The following RABEP1 variants were observed in gnomAD, a reference collection of about 807,000 sequenced individuals.
RABEP1 encodes rab GTPase-binding effector protein 1.
RABEP1 carries 51 observed loss-of-function variants against 123.4 expected under a neutral mutation model. The ratio of observed to expected loss-of-function variants is 0.41; its 90% confidence interval spans 0.33 to 0.52. The LOEUF is 0.52. RABEP1 is among the 20% of genes least tolerant of loss of function. The probability of loss-of-function intolerance (pLI) is 0.16; values close to 1 mark genes in which losing one functional copy is unlikely to be tolerated. For synonymous variants in RABEP1, 347 were observed against 355.2 expected (o/e 0.98, Z 0.26); for missense variants, 888 against 996.3 (o/e 0.89, Z 1.46).
chr17:5,310,179 A>C (rs1271079847), intron 2 of RABEP1, among the ~76,000 whole-genome samples: 1 of 152,196 alleles, frequency 6.6e-6, no homozygotes, highest in South Asian at 2.1e-4. Flanking sequence ...ACTCTGTAAA[A>C]TATATACTTA....
chr17:5,325,776 G>C (rs1479819725), intron 2 of RABEP1, among the ~76,000 whole-genome samples: 1 of 151,312 alleles, frequency 6.6e-6, no homozygotes, highest in African/African-American at 2.4e-5. Context: ...CACCCAGTTT[G>C]ATTTTTACAA....
chr17:5,367,541 T>C (rs565436891), intron 11 of RABEP1, among the ~76,000 whole-genome samples: 1 of 151,832 alleles, frequency 6.6e-6, no homozygotes, highest in Non-Finnish European at 1.5e-5. Flanking sequence ...AGTGCTAGGA[T>C]TACAGGCGTG....
chr17:5,337,240 T>G (rs1907181336), intron 4 of RABEP1, among the ~76,000 whole-genome samples: 1 of 152,226 alleles, frequency 6.6e-6, no homozygotes, highest in South Asian at 2.1e-4. Flanking sequence ...GTACTCTGTT[T>G]AATTGGATGG....
intron 2 of RABEP1, among the ~76,000 whole-genome samples, chr17:5,329,659 A>G (rs1906329941): frequency 6.6e-6 from 1 of 152,186 alleles, no homozygotes; most frequent in African/African-American, 2.4e-5. Flanking sequence ...CATATACAGC[A>G]GTAAAAGCAA....
intron 2 of RABEP1, among the ~76,000 whole-genome samples, chr17:5,320,795 C>T (rs956270305): frequency 2.6e-5 from 4 of 152,038 alleles, no homozygotes; most frequent in East Asian, 1.9e-4. Context: ...AAATAAAAAG[C>T]AATGAATTAA....
At position 5,383,168 on chromosome 17, in the gene RABEP1, G is replaced by A. The variant is rs372729268; in HGVS notation, c.2534G>A (p.Arg845Gln). 1.1e-5 allele frequency: 17 copies of A among 1,614,114 alleles called. No individual in the cohort carries two copies. The highest frequency in any genetic ancestry group is 2.7e-5 in the African/African-American group (2 of 75,046). Residue 845 changes from arginine (R) to glutamine (Q), a missense_variant, in exon 18 of 18, where the codon CGG becomes CAG. Coordinates refer to ENST00000537505, the MANE Select transcript of RABEP1 (RefSeq NM_004703.6). ...CAAGCTGACTCCTTGGAGAGAATCC[G>A]GGCAATTCTGAATGATACTAAACTG... ...IRQADSLERIRAILNDTKLTD... is the reference protein window; with the variant it reads ...IRQADSLERIQAILNDTKLTD...
rs1318604740 is a variant in RABEP1, at chr17:5,385,851, C to G, written c.*2628C>G. On this transcript the variant is annotated 3_prime_UTR_variant, in exon 18 of 18. Transcript: ENST00000537505. ...TCCTTTGAATCCTAGGGTTCTATCCCTCTTCAGAGTCATGTTTCTGGTGCT... is the reference window on the plus strand; with the variant it reads ...TCCTTTGAATCCTAGGGTTCTATCCGTCTTCAGAGTCATGTTTCTGGTGCT... 3.7e-6 allele frequency: 1 copy of G among 268,976 alleles called. No homozygotes were observed. The highest frequency in any genetic ancestry group is 5.2e-5 in the Admixed American group (1 of 19,074). 16.7% of individuals were successfully genotyped at this position (268,976 alleles called of 1,614,324 possible). A position where few individuals can be genotyped will look rare whatever the true frequency, so the allele number is the denominator to read the frequency against.
At chr17:5,326,207 T>C (rs1302108066) in intron 2 of RABEP1, among the ~76,000 whole-genome samples, 1 of 152,242 alleles carries the variant, frequency 6.6e-6, no homozygotes, top group African/African-American at 2.4e-5. Context: ...TTATAACAGC[T>C]TTATTCATAA....
chr17:5,310,068 C>G (rs997505299), intron 2 of RABEP1, among the ~76,000 whole-genome samples: 2 of 152,162 alleles, frequency 1.3e-5, no homozygotes, highest in African/African-American at 4.8e-5. Context: ...ATTTGCATTT[C>G]TAATAAGCTC....
rs1342051408 is a variant in RABEP1 at position 5,385,373 on chromosome 17, TTCTCATGCATG to T, written c.*2154_*2164del. ...CTTATATTCAGTCTGTGCCTACATG[TTCTCATGCATG>T]TCTAACCTGATTTACCTCTTACCTG... On this transcript the variant is annotated 3_prime_UTR_variant, in exon 18 of 18. Coordinates refer to ENST00000537505, the MANE Select transcript of RABEP1 (RefSeq NM_004703.6). The T allele has an allele frequency of 4.3e-6, 1 of 230,542 alleles. No homozygotes were observed. Among genetic ancestry groups the T allele is most frequent in the Non-Finnish European group, 8.6e-6 (1 of 116,422 alleles). The allele number at this position is 230,542 out of a possible 1,614,324, so 14.3% of individuals were successfully genotyped here. A position where few individuals can be genotyped will look rare whatever the true frequency, so the allele number is the denominator to read the frequency against.
At chr17:5,380,012 C>T (rs541613838) in intron 15 of RABEP1, among the ~76,000 whole-genome samples, 3 of 152,330 alleles carry the variant, frequency 2.0e-5, no homozygotes. Context: ...CTCCCCTTGT[C>T]ACCCTTGTCT....
chr17:5,327,070 G>A (rs933458993), intron 2 of RABEP1, among the ~76,000 whole-genome samples: 1 of 152,148 alleles, frequency 6.6e-6, no homozygotes, highest in Non-Finnish European at 1.5e-5. Context: ...TAAACAGGCT[G>A]GGCACGGTGG....
chr17:5,320,445 GAAAAAGAA>G (rs2075343869), intron 2 of RABEP1, among the ~76,000 whole-genome samples: 1 of 85,042 alleles, frequency 1.2e-5, no homozygotes, highest in African/African-American at 4.6e-5. Flanking sequence ...AAAAAAAAAA[GAAAAAGAA>G]ACACACTGGT....
rs1910701754 is a variant in RABEP1 at position 5,373,523 on chromosome 17, T to C, written c.2025+69T>C. ...TTCTGAAATGGCCGTATGTTCTTTA[T>C]GTAAACAGTTTTATTCAGATATAAT... On this transcript the variant is annotated intron_variant, in intron 13 of 17. Transcript: ENST00000537505. 6.1e-6 allele frequency: 9 copies of C among 1,472,442 alleles called. No homozygotes were observed. The Admixed American group carries it at 1.2e-4, about 20-fold the overall frequency. 91.2% of individuals were successfully genotyped at this position (1,472,442 alleles called of 1,614,324 possible).
chr17:5,290,212 C>T (rs928710305), intron 1 of RABEP1, among the ~76,000 whole-genome samples: 2 of 152,166 alleles, frequency 1.3e-5, no homozygotes, highest in Admixed American at 6.6e-5. Flanking sequence ...CTCAGCCTCC[C>T]AAGTAGTTGG....
intron 5 of RABEP1, among the ~76,000 whole-genome samples, chr17:5,341,175 T>A (rs1336262416): frequency 1.3e-5 from 2 of 150,918 alleles, no homozygotes; most frequent in African/African-American, 2.4e-5. Context: ...TAGCACTTTG[T>A]GAGGCTGAGG....
At chr17:5,363,706 T>C (rs1018083488) in intron 10 of RABEP1, among the ~76,000 whole-genome samples, 4 of 152,332 alleles carry the variant, frequency 2.6e-5, no homozygotes, top group South Asian at 4.1e-4. Context: ...AAAGGCTTAA[T>C]GGAATGTTAT....
At chr17:5,321,966 G>T (rs1905406711) in intron 2 of RABEP1, among the ~76,000 whole-genome samples, 1 of 152,154 alleles carries the variant, frequency 6.6e-6, no homozygotes. Flanking sequence ...TGGGAGGCCA[G>T]GGCGGGTGGA....
intron 1 of RABEP1, among the ~76,000 whole-genome samples, chr17:5,295,023 A>G (rs942978520): frequency 6.6e-6 from 1 of 152,092 alleles, no homozygotes; most frequent in African/African-American, 2.4e-5. Context: ...AGAAAATTAC[A>G]GTACTTTTAT....
Sources: gnomAD v4.1 joint callset for allele counts (sites outside exome capture counted in the v4.1 genomes callset) on GRCh38, gnomAD v4.1.1 for gene constraint, MANE v1.5 for transcripts, NCBI Gene and HGNC (gene_info 2026-07-23, HGNC 2026-07-21) for gene names.